RADIL: variants seen among roughly 807,000 people sequenced by gnomAD.
The protein encoded by RADIL is Rap associating with DIL domain.
A neutral mutation model predicts 97.6 loss-of-function variants in RADIL; 99 were observed. That is an observed-to-expected ratio of 1.01 (90% CI 0.86 to 1.20). The LOEUF (loss-of-function observed/expected upper bound fraction) is 1.20. Ranked by LOEUF, RADIL falls within the 50% of genes most tolerant of loss-of-function variation. RADIL has a pLI of 0.00. For missense variants in RADIL, 1,765 were observed against 1,498.9 expected (o/e 1.18, Z -2.93); for synonymous variants, 803 against 691.8 (o/e 1.16, Z -2.52).
chr7:4,848,337 C>T (rs1783626648), intron 2 of RADIL, among the ~76,000 whole-genome samples: 1 of 151,198 alleles, frequency 6.6e-6, no homozygotes, highest in South Asian at 2.1e-4. Context: ...TATAAAAATA[C>T]CTCTTATAAT....
intron 10 of RADIL, among the ~76,000 whole-genome samples, chr7:4,804,781 G>C (rs747018680): frequency 1.4e-5 from 2 of 147,608 alleles, no homozygotes; most frequent in African/African-American, 2.5e-5. Flanking sequence ...GTGAGACTCT[G>C]TCTCAGTCAA....
At position 4,814,910 on chromosome 7, in the gene RADIL, C is replaced by A. The variant is rs994783282; in HGVS notation, c.2139+368G>T. On this transcript the variant is annotated intron_variant, in intron 9 of 14. Transcript: ENST00000399583. The surrounding 1 kb of genome is among the most constrained non-coding windows in gnomAD (Gnocchi z 4.5). ...CTCCAGCCTCAGAGCCACATCCCCT[C>A]TTCTTCTGTTTCTCTCTGACCTTCT... Among the ~76,000 whole-genome samples the A allele has an allele frequency of 6.6e-6, 1 of 152,200 alleles. No homozygotes were observed. The highest frequency in any genetic ancestry group is 1.5e-5 in the Non-Finnish European group (1 of 68,038).
At position 4,834,754 on chromosome 7, in the gene RADIL, C is replaced by A; in HGVS notation, c.1269G>T (p.Thr423=). The A allele has an allele frequency of 7.1e-7, 1 of 1,399,794 alleles. No homozygotes were observed. Among genetic ancestry groups the A allele is most frequent in the South Asian group, 1.9e-5 (1 of 53,866 alleles). The allele number at this position is 1,399,794 out of a possible 1,614,324, so 86.7% of individuals were successfully genotyped here. ...GGTCGTCGCCCCCCGGCTCGATCAA[C>A]GTCATGATCCTCTGCAGCAGCGTGT... The part of the protein sequence containing the change: ...LEDTLLQRIM[T]LIEPGGDDHK... The change falls in exon 4 of 15, where the codon ACG becomes ACT. Residue 423 remains threonine (T), a synonymous_variant. Coordinates refer to ENST00000399583, the MANE Select transcript of RADIL (RefSeq NM_018059.5). The surrounding 1 kb of genome is among the most constrained non-coding windows in gnomAD (Gnocchi z 6.0).
intron 5 of RADIL, among the ~76,000 whole-genome samples, chr7:4,828,024 G>T (rs543762871): frequency 6.6e-6 from 1 of 152,068 alleles, no homozygotes; most frequent in Non-Finnish European, 1.5e-5. Context: ...TCAAAACCAC[G>T]AGACGCCACC....
rs560080509 is a variant in RADIL, at chr7:4,877,552, G to C, written c.535+53C>G. On this transcript the variant is annotated intron_variant, in intron 2 of 14. Coordinates refer to ENST00000399583, the MANE Select transcript of RADIL (RefSeq NM_018059.5). ...ACTCCTTCTCCGCCTACCTCGGCTG[G>C]CCTTCTCAGCGCTCAGACCCACGGC... The C allele has an allele frequency of 7.8e-6, 12 of 1,531,762 alleles. No homozygotes were observed. In the East Asian group the frequency reaches 2.3e-4, roughly 29 times the overall value. 94.9% of individuals were successfully genotyped at this position (1,531,762 alleles called of 1,614,324 possible).
intron 10 of RADIL, 159 bp from the exon 11 acceptor site, chr7:4,803,913 G>C: frequency 1.4e-6 from 1 of 734,980 alleles, no homozygotes; most frequent in South Asian, 1.5e-5. Context: ...CACAGTGACT[G>C]GCCCCACCCT....
rs75801718 is a variant in RADIL at position 4,883,037 on chromosome 7, A to G, written c.-65+559T>C. 0.023 allele frequency among the ~76,000 whole-genome samples: 3,530 copies of G among 152,286 alleles called. 137 individuals are homozygous for G. Among genetic ancestry groups the G allele is most frequent in the African/African-American group, 0.079 (3,270 of 41,568 alleles). ...ATGCAGTATTTGTCGAGGGGCTGGAAATGGTACATAAATAGCCGGGAAACA... is the reference window on the plus strand; with the variant it reads ...ATGCAGTATTTGTCGAGGGGCTGGAGATGGTACATAAATAGCCGGGAAACA... On this transcript the variant is annotated intron_variant, in intron 1 of 14. Transcript: ENST00000399583. The surrounding 1 kb of genome is among the most constrained non-coding windows in gnomAD (Gnocchi z 7.1).
chr7:4,805,518 G>A (rs1486853555), intron 10 of RADIL, 48 bp downstream of exon 10: 12 of 1,507,538 alleles, frequency 8.0e-6, no homozygotes, highest in Admixed American at 2.1e-5. Flanking sequence ...CTCGGGGCGA[G>A]TCTCCCACTG....
intron 10 of RADIL, 76 bp downstream of exon 10, chr7:4,805,490 G>A: frequency 6.1e-6 from 9 of 1,473,000 alleles, no homozygotes; most frequent in East Asian, 2.3e-5. Context: ...GTTGGGATGA[G>A]AGCATGCTGC....
intron 12 of RADIL, among the ~76,000 whole-genome samples, chr7:4,801,085 T>C (rs573245777): frequency 5.6e-4 from 85 of 151,098 alleles, no homozygotes; most frequent in African/African-American, 1.6e-3. Flanking sequence ...CACGTGCACT[T>C]ACACCCATGC....
In RADIL at chr7:4,878,208, G is replaced by A. The variant is rs1039533302; in HGVS notation, c.-64-5C>T. On this transcript the variant is annotated splice_polypyrimidine_tract_variant and splice_region_variant and intron_variant, in intron 1 of 14. Transcript: ENST00000399583. The surrounding 1 kb of genome is among the most constrained non-coding windows in gnomAD (Gnocchi z 4.1). ...AGGATGTGGGGAGGCCGTGACCTGG[G>A]TGAAAAAGTGAGAGAGGTTAGCGCC... 2.1e-6 allele frequency: 3 copies of A among 1,422,916 alleles called. No homozygotes were observed. Among genetic ancestry groups the A allele is most frequent in the Non-Finnish European group, 2.8e-6 (3 of 1,079,354 alleles). 88.1% of individuals were successfully genotyped at this position (1,422,916 alleles called of 1,614,324 possible).
chr7:4,826,722 G>A, intron 5 of RADIL, among the ~76,000 whole-genome samples: 1 of 140,400 alleles, frequency 7.1e-6, no homozygotes, highest in Non-Finnish European at 1.5e-5. Context: ...AACAGAGCGA[G>A]ACTCCGTCTC....
chr7:4,836,581 A>G lies in RADIL; in HGVS notation c.560T>C (p.Leu187Pro). 1 of 1,607,400 alleles carries G rather than the reference A, an allele frequency of 6.2e-7. No homozygotes were observed. Among genetic ancestry groups the G allele is most frequent in the Non-Finnish European group, 8.5e-7 (1 of 1,179,546 alleles). ...TAGINAQARR[L>P]QRSRAKGTPT... is the part of the protein sequence containing the mutation. ...GGTTCCCTTCGCGCGACTCCGCTGC[A>G]GCCTCCGGGCCTGGGCGTTTATCCC... is the stretch of plus-strand genomic sequence containing the variant. Residue 187 changes from leucine (L) to proline (P), a missense_variant, in exon 3 of 15, where the codon CTG becomes CCG. Coordinates refer to ENST00000399583, the MANE Select transcript of RADIL (RefSeq NM_018059.5).
rs369419952 is a variant in RADIL at position 4,860,873 on chromosome 7, A to C, written c.535+16732T>G. On this transcript the variant is annotated intron_variant, in intron 2 of 14. Coordinates refer to ENST00000399583, the MANE Select transcript of RADIL (RefSeq NM_018059.5). The stretch of plus-strand genomic sequence containing the variant: ...GTATGCTGGTGTGATGATAGGCATA[A>C]GATGGTACCTATCACTGGGATTTAC... The C allele has an allele frequency of 2.7e-5, 44 of 1,614,056 alleles. No individual in the cohort carries two copies. In the African/African-American group the frequency reaches 5.6e-4, roughly 21 times the overall value.
rs1285278000 is a variant in RADIL, at chr7:4,815,997, T to C, written c.1966+231A>G. Among the ~76,000 whole-genome samples, 1 of 152,124 alleles carries C rather than the reference T, an allele frequency of 6.6e-6. No individual in the cohort carries two copies. Among genetic ancestry groups the C allele is most frequent in the Non-Finnish European group, 1.5e-5 (1 of 68,018 alleles). On this transcript the variant is annotated intron_variant, in intron 8 of 14. Transcript: ENST00000399583. This position sits in a 1 kb window ranked among gnomAD's most constrained non-coding sequence, Gnocchi z 8.0. Reference sequence around the variant, plus strand: ...GGGGAAGGGGTCCCATGCAGACCTCTCGGCCGTGGCTTCTCTGAAACCCCG... The same window carrying C: ...GGGGAAGGGGTCCCATGCAGACCTCCCGGCCGTGGCTTCTCTGAAACCCCG...
intron 6 of RADIL, among the ~76,000 whole-genome samples, chr7:4,820,858 G>A (rs978452957): frequency 1.3e-5 from 2 of 152,200 alleles, no homozygotes; most frequent in African/African-American, 4.8e-5. Flanking sequence ...GGGTCACTGT[G>A]CAGATGCCCC....
intron 2 of RADIL, chr7:4,859,827 T>G: frequency 1.1e-6 from 1 of 934,498 alleles, no homozygotes; most frequent in African/African-American, 1.7e-5. Flanking sequence ...TGTATTGAGT[T>G]TCTCCTCTTC....
At chr7:4,862,329 C>G (rs752799923) in intron 2 of RADIL, among the ~76,000 whole-genome samples, 2 of 152,234 alleles carry the variant, frequency 1.3e-5, no homozygotes, top group African/African-American at 2.4e-5. Context: ...AGTCCAAAGA[C>G]CCCTTCGTGG....
Position 4,879,138 on chromosome 7 carries a change from G to A in RADIL, c.-64-935C>T, listed in dbSNP as rs956853665. On this transcript the variant is annotated intron_variant, in intron 1 of 14. Transcript: ENST00000399583. This position sits in a 1 kb window ranked among gnomAD's most constrained non-coding sequence, Gnocchi z 4.1. ...CTCTCGAGCCGGTGCAGGCATGGCC[G>A]GAATGCAGGCGTCCCGCCCACCACA... 6.6e-5 allele frequency among the ~76,000 whole-genome samples: 10 copies of A among 152,236 alleles called. No individual in the cohort carries two copies. The highest frequency in any genetic ancestry group is 2.4e-4 in the African/African-American group (10 of 41,468).
Sources: gnomAD v4.1 joint callset for allele counts (sites outside exome capture counted in the v4.1 genomes callset) on GRCh38, gnomAD v4.1.1 for gene constraint, Gnocchi (gnomAD v3.1) non-coding constraint, MANE v1.5 for transcripts, NCBI Gene and HGNC (gene_info 2026-07-23, HGNC 2026-07-21) for gene names.